The following STAB2 variants were observed in gnomAD, a reference collection of about 807,000 sequenced individuals.
STAB2 encodes stabilin 2.
Under a neutral mutation model 338.1 loss-of-function variants are expected in STAB2, and 288 were observed. The ratio of observed to expected loss-of-function variants is 0.85; its 90% CI spans 0.77 to 0.94. The LOEUF (loss-of-function observed/expected upper bound fraction) is 0.94. Among genes scored for constraint, STAB2 ranks in the 40% least tolerant of loss-of-function variants. STAB2 has a pLI of 0.00. For synonymous variants in STAB2, 1,202 were observed against 1,193.3 expected (o/e 1.01, Z -0.15); for missense variants, 3,141 against 3,210.1 (o/e 0.98, Z 0.52).
chr12:103,614,046 A>C (rs964132522), intron 3 of STAB2, among the ~76,000 whole-genome samples: 15 of 152,148 alleles, frequency 9.9e-5, no homozygotes, highest in Non-Finnish European at 1.6e-4. Flanking sequence ...GTACAGTTAT[A>C]ATAACTATTT....
At chr12:103,708,853 A>C (rs1879599113) in intron 39 of STAB2, among the ~76,000 whole-genome samples, 1 of 152,166 alleles carries the variant, frequency 6.6e-6, no homozygotes, top group South Asian at 2.1e-4. Context: ...ACTTCACAAT[A>C]TATATATAGA....
chr12:103,611,653 G>T (rs1258561614), intron 3 of STAB2, among the ~76,000 whole-genome samples: 1 of 152,076 alleles, frequency 6.6e-6, no homozygotes, highest in Non-Finnish European at 1.5e-5. Context: ...ATTTGCCAGT[G>T]TGTCTTTTAA....
In STAB2 at chr12:103,670,809, T is replaced by C. The variant is rs1212487428; in HGVS notation, c.2371+2T>C. Reference sequence around the variant, plus strand: ...AATACGGACCTCGGTGTAACAAAAGTAAGTGGCACTTCCAGAGCTTCCTTC... The same window carrying C: ...AATACGGACCTCGGTGTAACAAAAGCAAGTGGCACTTCCAGAGCTTCCTTC... On this transcript the variant is annotated splice_donor_variant, in intron 22 of 68. Coordinates refer to ENST00000388887, the MANE Select transcript of STAB2 (RefSeq NM_017564.10). LOFTEE classifies it high-confidence loss of function. The C allele has an allele frequency of 2.5e-6, 4 of 1,611,422 alleles. No individual in the cohort carries two copies. In the African/African-American group the frequency reaches 4.0e-5, roughly 16 times the overall value.
intron 36 of STAB2, 68 bp from the exon 37 acceptor site, chr12:103,705,564 A>T (rs1488041097): frequency 7.4e-7 from 1 of 1,347,496 alleles, no homozygotes; most frequent in Non-Finnish European, 1.1e-6. Flanking sequence ...TCACCCACCT[A>T]CTTGCTTTCG....
intron 2 of STAB2, among the ~76,000 whole-genome samples, chr12:103,591,601 T>C (rs1319287593): frequency 6.6e-6 from 1 of 152,244 alleles, no homozygotes; most frequent in Non-Finnish European, 1.5e-5. Context: ...CTGGGTTTTA[T>C]TTAATTTGGA....
intron 44 of STAB2, among the ~76,000 whole-genome samples, chr12:103,724,601 C>A (rs10861081): frequency 0.19 from 28,230 of 152,146 alleles, 4,520 homozygotes; most frequent in African/African-American, 0.43. Flanking sequence ...CCTGCCTTCT[C>A]TCTGATAATG....
intron 17 of STAB2, 86 bp downstream of exon 17, chr12:103,660,849 G>A: frequency 7.3e-7 from 1 of 1,375,122 alleles, no homozygotes; most frequent in South Asian, 1.2e-5. Flanking sequence ...CTGCCTCTAT[G>A]CTAACTCATG....
At chr12:103,754,945 CA>C (rs755475468) in intron 61 of STAB2, 5,341 of 158,994 alleles carry the variant, frequency 0.034, 1 homozygote, top group South Asian at 0.063. Flanking sequence ...GACTCCACCT[CA>C]AAAAAAAAAA....
intron 5 of STAB2, among the ~76,000 whole-genome samples, chr12:103,627,983 G>A (rs923369226): frequency 6.6e-6 from 1 of 152,110 alleles, no homozygotes; most frequent in Non-Finnish European, 1.5e-5. Context: ...GTAGGAGCTG[G>A]GTAAATATTT....
chr12:103,596,156 A>G (rs546698439), intron 3 of STAB2, among the ~76,000 whole-genome samples: 2 of 152,322 alleles, frequency 1.3e-5, no homozygotes, highest in South Asian at 4.1e-4. Flanking sequence ...TTTTAAGAAC[A>G]TTTTTTGTGC....
rs773584506 is a variant in STAB2, at chr12:103,677,486, A to G, written c.2680A>G (p.Thr894Ala). The G allele has an allele frequency of 6.6e-5, 107 of 1,613,668 alleles. No individual in the cohort carries two copies. The South Asian group carries it at 1.1e-3, about 17-fold the overall frequency. The change falls in exon 25 of 69, where the codon ACC (threonine) becomes GCC (alanine). Residue 894 changes from threonine to alanine, a missense_variant. Thr to Ala is a moderately conservative substitution (Grantham distance 58). Transcript: ENST00000388887. ...CATCAAAACTGGCACGGGCACCCACACCTGCGTGTGTCAGCAGGGTTGGAC... is the reference window on the plus strand; with the variant it reads ...CATCAAAACTGGCACGGGCACCCACGCCTGCGTGTGTCAGCAGGGTTGGAC... Reference protein sequence around the residue: ...ECIKTGTGTHTCVCQQGWTGN... With the variant: ...ECIKTGTGTHACVCQQGWTGN...
intron 1 of STAB2, among the ~76,000 whole-genome samples, chr12:103,588,697 T>G (rs1472230065): frequency 1.3e-5 from 2 of 152,190 alleles, no homozygotes; most frequent in African/African-American, 4.8e-5. Flanking sequence ...AAGAGGGTTT[T>G]AAATCTAGCC....
At position 103,715,232 on chromosome 12, in the gene STAB2, C is replaced by G. The variant is rs187755741; in HGVS notation, c.4538-583C>G. 3.9e-5 allele frequency among the ~76,000 whole-genome samples: 6 copies of G among 152,322 alleles called. No homozygotes were observed. In the East Asian group the frequency reaches 1.2e-3, roughly 29 times the overall value. On this transcript the variant is annotated intron_variant, in intron 42 of 68. Coordinates refer to ENST00000388887, the MANE Select transcript of STAB2 (RefSeq NM_017564.10). ...TGCATCTGTCTCAGGGAACCTTGAGCTCTCCTTCTGCCCTCTGTGTGTGAT... is the reference window on the plus strand; with the variant it reads ...TGCATCTGTCTCAGGGAACCTTGAGGTCTCCTTCTGCCCTCTGTGTGTGAT...
intron 3 of STAB2, among the ~76,000 whole-genome samples, chr12:103,616,466 G>A (rs1003652175): frequency 1.6e-4 from 25 of 152,176 alleles, no homozygotes; most frequent in African/African-American, 5.6e-4. Context: ...GGGGAGATAA[G>A]TTGGTTCCAT....
intron 66 of STAB2, 115 bp downstream of exon 66, chr12:103,761,525 G>GA: frequency 2.1e-6 from 2 of 933,306 alleles, no homozygotes; most frequent in Non-Finnish European, 3.2e-6. Context: ...GAGACTGGAG[G>GA]AGCCTCCAGC....
In STAB2 at chr12:103,717,756, C is replaced by CT. The variant is rs777281465; in HGVS notation, c.4612-13dup. 36 of 1,613,952 alleles carry CT rather than the reference C, an allele frequency of 2.2e-5. No individual in the cohort carries two copies. The African/African-American group carries it at 4.4e-4, about 20-fold the overall frequency. ...ACCTGCAAAATGACCCCATGTGCTTCTACTCCTGGACAGGCTGCCTGTAAC... is the reference window on the plus strand; with the variant it reads ...ACCTGCAAAATGACCCCATGTGCTTCTTACTCCTGGACAGGCTGCCTGTAAC... On this transcript the variant is annotated splice_polypyrimidine_tract_variant and intron_variant, in intron 43 of 68. Transcript: ENST00000388887.
chr12:103,683,894 A>T (rs1264499750), intron 26 of STAB2, among the ~76,000 whole-genome samples: 1 of 152,198 alleles, frequency 6.6e-6, no homozygotes, highest in Non-Finnish European at 1.5e-5. Context: ...TGATGCCTTA[A>T]TCACAGTGTT....
At chr12:103,599,075 G>A (rs1031690771) in intron 3 of STAB2, among the ~76,000 whole-genome samples, 2 of 152,266 alleles carry the variant, frequency 1.3e-5, no homozygotes, top group East Asian at 3.9e-4. Flanking sequence ...CCCAGTTCTA[G>A]TTCATTACTC....
At chr12:103,652,436 G>A (rs1252464079) in intron 11 of STAB2, 120 bp from the exon 12 acceptor site, 2 of 864,576 alleles carry the variant, frequency 2.3e-6, no homozygotes, top group Non-Finnish European at 3.4e-6. Flanking sequence ...ATTTGCAAAA[G>A]CCCAAACCCA....
Sources: gnomAD v4.1 joint callset for allele counts (sites outside exome capture counted in the v4.1 genomes callset) on GRCh38, gnomAD v4.1.1 for gene constraint, MANE v1.5 for transcripts, NCBI Gene and HGNC (gene_info 2026-07-23, HGNC 2026-07-21) for gene names.